Variants in SLC12A7 observed in about 807,000 individuals in gnomAD.
The protein encoded by SLC12A7 is solute carrier family 12 member 7, also known as K-Cl cotransporter 4.
A neutral mutation model predicts 120.6 loss-of-function variants in SLC12A7; 100 were observed. The observed-to-expected ratio is 0.83, with a 90% CI of 0.71 to 0.98. The LOEUF (loss-of-function observed/expected upper bound fraction) is 0.98. SLC12A7 is among the 50% of genes least tolerant of loss of function. SLC12A7 has a pLI of 0.00. For synonymous variants in SLC12A7, 760 were observed against 678.0 expected (o/e 1.12, Z -1.88); for missense variants, 1,373 against 1,548.1 (o/e 0.89, Z 1.90).
chr5:1,052,076 T>C lies in SLC12A7; in HGVS notation c.*284A>G. On this transcript the variant is annotated 3_prime_UTR_variant, in exon 24 of 24. Transcript: ENST00000264930. ...AAGGGCTCACTGGCTTCTTGTGACC[T>C]GCGAGAAGATCTGGCCACGTCCAGG... 2.1e-6 allele frequency: 1 copy of C among 473,190 alleles called. No individual in the cohort carries two copies. The highest frequency in any genetic ancestry group is 3.7e-6 in the Non-Finnish European group (1 of 267,222). 29.3% of individuals were successfully genotyped at this position (473,190 alleles called of 1,614,324 possible).
chr5:1,110,104 T>A (rs1226948665), intron 1 of SLC12A7, among the ~76,000 whole-genome samples: 1 of 152,190 alleles, frequency 6.6e-6, no homozygotes, highest in Admixed American at 6.5e-5. Context: ...TGTGATCAAG[T>A]GGATTCCGAA....
chr5:1,060,480 C>T (rs1451804721), intron 20 of SLC12A7, 29 bp from the exon 21 acceptor site: 3 of 1,538,072 alleles, frequency 2.0e-6, no homozygotes, highest in Admixed American at 1.7e-5. Context: ...CGTAGTAAGC[C>T]CGGTGTGCAC....
rs1342532190 is a variant in SLC12A7, at chr5:1,061,264, C to A, written c.2740-813G>T. On this transcript the variant is annotated intron_variant, in intron 20 of 23. Coordinates refer to ENST00000264930, the MANE Select transcript of SLC12A7 (RefSeq NM_006598.3). ...CCGCATCCGCCATGCGGAACCCCTG[C>A]GTCTCACCCACCGCACCTGCCGTGC... 6.0e-4 allele frequency among the ~76,000 whole-genome samples: 8 copies of A among 13,418 alleles called. 2 individuals are homozygous for A. Among genetic ancestry groups the A allele is most frequent in the African/African-American group, 6.3e-4 (8 of 12,638 alleles). 8.8% of individuals were successfully genotyped at this position (13,418 alleles called of 152,430 possible). A position where few individuals can be genotyped will look rare whatever the true frequency, so the allele number is the denominator to read the frequency against.
intron 1 of SLC12A7, among the ~76,000 whole-genome samples, chr5:1,105,812 C>T (rs925914962): frequency 1.3e-5 from 2 of 152,210 alleles, no homozygotes; most frequent in African/African-American, 4.8e-5. Context: ...GCTCACCAGG[C>T]CCCAGACACC....
At chr5:1,129,343 A>G in the SLC12A7 span, among the ~76,000 whole-genome samples, 25 of 152,310 alleles carry the variant, frequency 1.6e-4, no homozygotes, top group South Asian at 2.7e-3. Context: ...TCCGAAGTCC[A>G]GTCTCACAGA....
chr5:1,064,564 G>A (rs141975421), intron 18 of SLC12A7, among the ~76,000 whole-genome samples: 2,290 of 152,358 alleles, frequency 0.015, 56 homozygotes, highest in African/African-American at 0.051. Flanking sequence ...ACACACCCTC[G>A]GGTCGGTGGC....
chr5:1,146,420 C>T, the SLC12A7 span, among the ~76,000 whole-genome samples: 1 of 152,160 alleles, frequency 6.6e-6, no homozygotes, highest in East Asian at 1.9e-4. The surrounding 1 kb of genome is among the most constrained non-coding windows in gnomAD (Gnocchi z 6.5). Flanking sequence ...TGGGTGGGAG[C>T]AGTGGTGGCC....
At chr5:1,107,930 G>A (rs1378155055) in intron 1 of SLC12A7, among the ~76,000 whole-genome samples, 1 of 152,162 alleles carries the variant, frequency 6.6e-6, no homozygotes, top group East Asian at 1.9e-4. Context: ...CCTAGACCAG[G>A]GGGAGGGAAC....
At chr5:1,130,591 C>T in the SLC12A7 span, among the ~76,000 whole-genome samples, 23 of 150,452 alleles carry the variant, frequency 1.5e-4, no homozygotes, top group African/African-American at 3.7e-4. Context: ...CGGCTGCCCG[C>T]GCAGGTCCCC....
intron 14 of SLC12A7, chr5:1,075,756 A>G (rs1228120903): frequency 3.6e-5 from 19 of 525,214 alleles, no homozygotes; most frequent in Non-Finnish European, 5.7e-5. Flanking sequence ...TGTGCATGCA[A>G]CAAGGGGCTG....
At chr5:1,093,494 G>GGGGTGGGGACT (rs1554020784) in intron 3 of SLC12A7, 39 bp downstream of exon 3, 54 of 1,511,206 alleles carry the variant, frequency 3.6e-5, no homozygotes, top group Middle Eastern at 2.2e-4. Flanking sequence ...CGGGACACAC[G>GGGGTGGGGACT]GGGCGGGGAC....
At chr5:1,103,423 A>G (rs1049113381) in intron 1 of SLC12A7, among the ~76,000 whole-genome samples, 2 of 151,980 alleles carry the variant, frequency 1.3e-5, no homozygotes, top group African/African-American at 4.8e-5. Context: ...GCCACAGAAA[A>G]TATACACTCA....
chr5:1,087,469 C>T (rs999812958), intron 5 of SLC12A7, among the ~76,000 whole-genome samples: 6 of 152,266 alleles, frequency 3.9e-5, no homozygotes, highest in East Asian at 1.9e-4. Context: ...GAAAGCCGGG[C>T]GCAACCCCAG....
the SLC12A7 span, among the ~76,000 whole-genome samples, chr5:1,142,662 C>CTCTCTG: frequency 4.2e-3 from 628 of 149,272 alleles, 1 homozygote; most frequent in Middle Eastern, 6.8e-3. Context: ...GTCTCCCTGT[C>CTCTCTG]TCTCTGTCTC....
At chr5:1,077,299 G>A (rs781414051) in intron 12 of SLC12A7, among the ~76,000 whole-genome samples, 25 of 152,328 alleles carry the variant, frequency 1.6e-4, no homozygotes, top group African/African-American at 4.6e-4. Flanking sequence ...GACCAGCGAC[G>A]GGCAAGGATG....
Position 1,055,583 on chromosome 5 carries a change from G to A in SLC12A7, c.3026+1888C>T, listed in dbSNP as rs376964219. Among the ~76,000 whole-genome samples, 43 of 152,194 alleles carry A rather than the reference G, an allele frequency of 2.8e-4. 2 individuals carry two copies. Among genetic ancestry groups the A allele is most frequent in the African/African-American group, 9.4e-4 (39 of 41,522 alleles). ...CGCCACACATGAATACAAAGCCCAC[G>A]CGTTGTCCATTCTGGCCCACCTTCT... On this transcript the variant is annotated intron_variant, in intron 22 of 23. Transcript: ENST00000264930.
At chr5:1,130,880 G>A in the SLC12A7 span, among the ~76,000 whole-genome samples, 56 of 152,328 alleles carry the variant, frequency 3.7e-4, no homozygotes, top group African/African-American at 1.1e-3. Context: ...AGTCTGAGCC[G>A]GGAGGCAGCT....
chr5:1,141,824 C>T, the SLC12A7 span, among the ~76,000 whole-genome samples: 1 of 152,140 alleles, frequency 6.6e-6, no homozygotes, highest in African/African-American at 2.4e-5. Context: ...TTCGCCGGGA[C>T]AGATCAACAG....
At chr5:1,076,871 T>C (rs1020628756) in intron 12 of SLC12A7, 59 bp from the exon 13 acceptor site, 1 of 1,204,244 alleles carries the variant, frequency 8.3e-7, no homozygotes, top group Non-Finnish European at 1.2e-6. Context: ...GGAGAGAAGC[T>C]GCAGGCTGGT....
Sources: gnomAD v4.1 joint callset for allele counts (sites outside exome capture counted in the v4.1 genomes callset) on GRCh38, gnomAD v4.1.1 for gene constraint, Gnocchi (gnomAD v3.1) non-coding constraint, MANE v1.5 for transcripts, NCBI Gene and HGNC (gene_info 2026-07-23, HGNC 2026-07-21) for gene names.